The following ADAM9 variants were observed in gnomAD, a reference collection of about 807,000 sequenced individuals.
ADAM9 encodes disintegrin and metalloproteinase domain-containing protein 9.
Under a neutral mutation model 108.1 loss-of-function variants are expected in ADAM9, and 54 were observed. That is an observed-to-expected ratio of 0.50 (90% confidence interval 0.40 to 0.63). ADAM9 has a LOEUF of 0.63. Among genes scored for constraint, ADAM9 ranks in the 20% least tolerant of loss-of-function variants. The pLI, the probability that ADAM9 is intolerant of heterozygous loss-of-function variation, is 0.00. For synonymous variants in ADAM9, 316 were observed against 336.0 expected (o/e 0.94, Z 0.65); for missense variants, 830 against 997.7 (o/e 0.83, Z 2.26).
intron 15 of ADAM9, among the ~76,000 whole-genome samples, chr8:39,076,871 T>C (rs909612635): frequency 1.3e-5 from 2 of 152,226 alleles, no homozygotes; most frequent in African/African-American, 4.8e-5. Context: ...AATTGAATTT[T>C]GATATTGCTA....
intron 1 of ADAM9, among the ~76,000 whole-genome samples, chr8:39,003,208 C>T (rs942034023): frequency 6.6e-6 from 1 of 151,490 alleles, no homozygotes; most frequent in African/African-American, 2.5e-5. Context: ...CTATATTTAG[C>T]TTTTATTTTA....
At chr8:39,046,436 G>A (rs570424416) in intron 12 of ADAM9, among the ~76,000 whole-genome samples, 23 of 152,146 alleles carry the variant, frequency 1.5e-4, no homozygotes, top group African/African-American at 5.5e-4. Flanking sequence ...CTTCATTTCC[G>A]ATTTAGATGC....
rs566781010 is a variant in ADAM9 at position 39,018,201 on chromosome 8, G to A, written c.607-652G>A. Among the ~76,000 whole-genome samples, 7 of 152,274 alleles carry A rather than the reference G, an allele frequency of 4.6e-5. No individual in the cohort carries two copies. The South Asian group carries it at 1.2e-3, about 27-fold the overall frequency. On this transcript the variant is annotated intron_variant, in intron 6 of 21. Coordinates refer to ENST00000487273, the MANE Select transcript of ADAM9 (RefSeq NM_003816.3). Reference sequence around the variant, plus strand: ...AGATTCTGTTGCTGCCTTGAAAGAGGCATATTTTTAATTAAGTTATACTAG... The same window carrying A: ...AGATTCTGTTGCTGCCTTGAAAGAGACATATTTTTAATTAAGTTATACTAG...
chr8:39,026,626 A>G, intron 10 of ADAM9, 51 bp from the exon 11 acceptor site: 3 of 1,613,028 alleles, frequency 1.9e-6, no homozygotes, highest in Middle Eastern at 1.7e-4. Context: ...GAGCAGCAAA[A>G]CATTTTCTTT....
intron 15 of ADAM9, chr8:39,076,027 G>A (rs1838840943): frequency 6.6e-6 from 1 of 152,202 alleles, no homozygotes; most frequent in East Asian, 1.9e-4. Flanking sequence ...AGGAGTTTTA[G>A]TGATATATTC....
intron 18 of ADAM9, among the ~76,000 whole-genome samples, chr8:39,089,591 G>A (rs1279760968): frequency 1.3e-5 from 2 of 152,126 alleles, no homozygotes; most frequent in African/African-American, 4.8e-5. Flanking sequence ...TTTGGTAGTA[G>A]CAAAAGATTG....
At chr8:39,084,670 T>C (rs985411249) in intron 18 of ADAM9, among the ~76,000 whole-genome samples, 2 of 152,058 alleles carry the variant, frequency 1.3e-5, no homozygotes, top group African/African-American at 4.8e-5. Flanking sequence ...ATGCGTATTC[T>C]ACTATTCTTA....
chr8:39,017,196 TA>T (rs1181224351), intron 5 of ADAM9, 22 bp from the exon 6 acceptor site: 1 of 1,613,770 alleles, frequency 6.2e-7, no homozygotes, highest in Admixed American at 1.7e-5. Flanking sequence ...TTAAAATTTG[TA>T]TACGTGTAAT....
At position 39,037,341 on chromosome 8, in the gene ADAM9, G is replaced by A. The variant is rs1413001960; in HGVS notation, c.1131-4605G>A. On this transcript the variant is annotated intron_variant, in intron 11 of 21. Coordinates refer to ENST00000487273, the MANE Select transcript of ADAM9 (RefSeq NM_003816.3). ...TGGGATTACAAGCGTAAGCCACCACGCCCGGCCTGCCTGCGCAAGTTCTAT... is the reference window on the plus strand; with the variant it reads ...TGGGATTACAAGCGTAAGCCACCACACCCGGCCTGCCTGCGCAAGTTCTAT... Among the ~76,000 whole-genome samples, 11 of 142,198 alleles carry A rather than the reference G, an allele frequency of 7.7e-5. No individual in the cohort carries two copies. In the East Asian group the frequency reaches 1.9e-3, roughly 25 times the overall value. 93.3% of individuals were successfully genotyped at this position (142,198 alleles called of 152,430 possible). A position where few individuals can be genotyped will look rare whatever the true frequency, so the allele number is the denominator to read the frequency against.
chr8:39,014,643 CT>C, intron 4 of ADAM9: 2 of 695,288 alleles, frequency 2.9e-6, no homozygotes, highest in South Asian at 1.5e-5. Context: ...TTTTACAGTC[CT>C]TTTTGGCAGT....
chr8:39,063,955 T>C (rs1469468044), intron 14 of ADAM9, among the ~76,000 whole-genome samples: 1 of 152,198 alleles, frequency 6.6e-6, no homozygotes, highest in African/African-American at 2.4e-5. Context: ...ACCGGCGATA[T>C]GGCTGTCCTT....
rs945249809 is a variant in ADAM9, at chr8:39,104,518, T to G, written c.*818T>G. The G allele has an allele frequency of 5.2e-6, 2 of 383,384 alleles. No homozygotes were observed. Among genetic ancestry groups the G allele is most frequent in the Non-Finnish European group, 1.0e-5 (2 of 198,738 alleles). The allele number at this position is 383,384 out of a possible 1,614,324, so 23.7% of individuals were successfully genotyped here. A position where few individuals can be genotyped will look rare whatever the true frequency, so the allele number is the denominator to read the frequency against. ...TAATAGATCTAATCAAATATGTTGA[T>G]TCATGGCTATAATAAAGCAGGAGCA... On this transcript the variant is annotated 3_prime_UTR_variant, in exon 22 of 22. Coordinates refer to ENST00000487273, the MANE Select transcript of ADAM9 (RefSeq NM_003816.3).
At chr8:39,007,612 G>A (rs145789581) in intron 1 of ADAM9, among the ~76,000 whole-genome samples, 84 of 152,322 alleles carry the variant, frequency 5.5e-4, no homozygotes, top group African/African-American at 2.0e-3. Context: ...AGCTAAAAAT[G>A]TTTGAAATGA....
chr8:39,070,146 C>G (rs1466082751), intron 14 of ADAM9, among the ~76,000 whole-genome samples: 1 of 94,710 alleles, frequency 1.1e-5, no homozygotes, highest in Non-Finnish European at 1.9e-5. Context: ...GAATGAGACT[C>G]TGTCTCAAAA....
chr8:39,047,103 G>T (rs1206425459), intron 12 of ADAM9, among the ~76,000 whole-genome samples: 1 of 152,146 alleles, frequency 6.6e-6, no homozygotes, highest in Admixed American at 6.5e-5. Context: ...AGCCTTAATT[G>T]ATTTTTGTAT....
In ADAM9 at chr8:39,011,722, A is replaced by C. The variant is rs1172293289; in HGVS notation, c.254+6A>C. On this transcript the variant is annotated splice_donor_region_variant and intron_variant, in intron 3 of 21. Coordinates refer to ENST00000487273, the MANE Select transcript of ADAM9 (RefSeq NM_003816.3). ...ATTCACTTGGAAAGGAACAAGTAAGACATTTAATTTATTTTGGCTTTTCAG... is the reference window on the plus strand; with the variant it reads ...ATTCACTTGGAAAGGAACAAGTAAGCCATTTAATTTATTTTGGCTTTTCAG... The C allele has an allele frequency of 4.4e-6, 7 of 1,606,814 alleles. No individual in the cohort carries two copies. The highest frequency in any genetic ancestry group is 5.1e-6 in the Non-Finnish European group (6 of 1,173,536).
chr8:39,070,143 ACT>A (rs1449896095), intron 14 of ADAM9, among the ~76,000 whole-genome samples: 1 of 121,996 alleles, frequency 8.2e-6, no homozygotes, highest in Non-Finnish European at 1.7e-5. Flanking sequence ...ACAGAATGAG[ACT>A]CTGTCTCAAA....
intron 15 of ADAM9, among the ~76,000 whole-genome samples, chr8:39,074,014 AGTGTTGTTTTGAACTGAAT>A (rs1233852708): frequency 1.3e-5 from 2 of 152,158 alleles, no homozygotes; most frequent in East Asian, 3.9e-4. Context: ...CCTGTTTCCA[AGTGTTGTTTTGAACTGAAT>A]GAGTTAATGG....
chr8:39,001,351 C>T (rs1220734935), intron 1 of ADAM9, among the ~76,000 whole-genome samples: 1 of 152,222 alleles, frequency 6.6e-6, no homozygotes, highest in Non-Finnish European at 1.5e-5. Flanking sequence ...GTTTGTTTAG[C>T]TGTAACCATC....
Sources: allele counts gnomAD v4.1 joint callset (sites outside exome capture counted in the v4.1 genomes callset), GRCh38; gene constraint gnomAD v4.1.1; transcripts MANE v1.5; gene names NCBI Gene and HGNC (gene_info 2026-07-23, HGNC 2026-07-21).